The following ZFP30 variants were observed in gnomAD, a reference collection of about 807,000 sequenced individuals.
ZFP30 encodes zinc finger protein 30 homolog.
Under a neutral mutation model 12.3 loss-of-function variants are expected in ZFP30, and 16 were observed. The ratio of observed to expected loss-of-function variants is 1.30; its 90% CI spans 0.88 to 1.98. ZFP30 has a LOEUF of 1.98. Among genes scored for constraint, ZFP30 ranks in the 30% most tolerant of loss-of-function variants. The pLI is 0.00. For missense variants in ZFP30, 560 were observed against 611.2 expected, an observed-to-expected ratio of 0.92 and a Z score of 0.88; for synonymous variants, 172 against 201.0, an observed-to-expected ratio of 0.86 and a Z score of 1.22.
At chr19:37,637,639 G>C (rs1379857144) in intron 5 of ZFP30, among the ~76,000 whole-genome samples, 1 of 151,910 alleles carries the variant, frequency 6.6e-6, no homozygotes. Flanking sequence ...ACAAGTGCCC[G>C]CCACCACACC....
intron 4 of ZFP30, among the ~76,000 whole-genome samples, chr19:37,643,841 A>G (rs1483247675): frequency 6.6e-6 from 1 of 152,198 alleles, no homozygotes; most frequent in African/African-American, 2.4e-5. Flanking sequence ...TTAAATGCAA[A>G]TTCATGTATT....
chr19:37,640,972 A>G (rs2044423475), intron 5 of ZFP30, among the ~76,000 whole-genome samples: 1 of 152,202 alleles, frequency 6.6e-6, no homozygotes, highest in African/African-American at 2.4e-5. Context: ...TGTACTTCTG[A>G]AAATTAACAC....
intron 2 of ZFP30, among the ~76,000 whole-genome samples, chr19:37,649,534 AT>A (rs758420823): frequency 3.9e-5 from 6 of 152,192 alleles, no homozygotes; most frequent in Non-Finnish European, 7.4e-5. Flanking sequence ...CATTCACACA[AT>A]GGAAAATTAA....
upstream of ZFP30, chr19:37,655,528 G>C: frequency 6.6e-6 from 1 of 151,272 alleles, no homozygotes; most frequent in East Asian, 2.0e-4. Context: ...GGCAAGTCCC[G>C]CAGCTGCTCC....
intron 4 of ZFP30, among the ~76,000 whole-genome samples, chr19:37,643,670 C>T (rs1472915008): frequency 6.6e-6 from 1 of 152,038 alleles, no homozygotes; most frequent in Non-Finnish European, 1.5e-5. Flanking sequence ...AACAGTAATG[C>T]GTATATATAG....
intron 2 of ZFP30, among the ~76,000 whole-genome samples, 172 bp from the exon 3 acceptor site, chr19:37,648,071 G>A (rs547281589): frequency 2.6e-5 from 4 of 152,256 alleles, no homozygotes; most frequent in South Asian, 2.1e-4. Flanking sequence ...AAACCACAGC[G>A]AAATCAGCTC....
intron 3 of ZFP30, among the ~76,000 whole-genome samples, chr19:37,646,483 C>G (rs1009389595): frequency 4.6e-5 from 7 of 152,002 alleles, no homozygotes; most frequent in African/African-American, 1.7e-4. Flanking sequence ...AAAATATATA[C>G]CAGATACCAG....
At chr19:37,641,660 T>TA (rs1302837870) in intron 5 of ZFP30, among the ~76,000 whole-genome samples, 1 of 152,210 alleles carries the variant, frequency 6.6e-6, no homozygotes, top group Non-Finnish European at 1.5e-5. Flanking sequence ...ATAACCACAA[T>TA]ACCATTATCC....
chr19:37,635,362 AC>A lies in ZFP30; in HGVS notation c.1178del (p.Arg393LeufsTer89). On this transcript the variant is annotated frameshift_variant, in exon 6 of 6. Transcript: ENST00000684514. LOFTEE classifies it low-confidence loss of function (END_TRUNC). ...ECKECQKFFR[R>X]YSELISHQGI... ...CCTGATGTGAAATAAGTTCTGAGTA[AC>A]GACGAAAGAACTTCTGACATTCCTT... 6.2e-7 allele frequency: 1 copy of A among 1,613,842 alleles called. No individual in the cohort carries two copies. Among genetic ancestry groups the A allele is most frequent in the South Asian group, 1.1e-5 (1 of 91,056 alleles).
chr19:37,650,300 A>G (rs569364819), intron 2 of ZFP30, among the ~76,000 whole-genome samples: 6 of 152,124 alleles, frequency 3.9e-5, no homozygotes, highest in African/African-American at 1.2e-4. Context: ...ACCGCGATGC[A>G]GTCTATGTTG....
At chr19:37,637,129 T>C (rs1474308743) in intron 5 of ZFP30, among the ~76,000 whole-genome samples, 1 of 152,084 alleles carries the variant, frequency 6.6e-6, no homozygotes, top group Non-Finnish European at 1.5e-5. Context: ...ATCAGAAAAA[T>C]GATCCCTGCT....
chr19:37,648,411 A>C (rs1392051347), intron 2 of ZFP30, among the ~76,000 whole-genome samples: 1 of 152,164 alleles, frequency 6.6e-6, no homozygotes, highest in Non-Finnish European at 1.5e-5. Flanking sequence ...TATCTTTAAA[A>C]TATACTGTTG....
At position 37,632,827 on chromosome 19, in the gene ZFP30, AT is replaced by A. The variant is rs1251538195; in HGVS notation, c.*2153del. The A allele has an allele frequency of 1.3e-4, 20 of 152,314 alleles. No individual in the cohort carries two copies. The highest frequency in any genetic ancestry group is 1.2e-3 in the Admixed American group (18 of 15,306). 9.4% of individuals were successfully genotyped at this position (152,314 alleles called of 1,614,324 possible). A position where few individuals can be genotyped will look rare whatever the true frequency, so the allele number is the denominator to read the frequency against. ...TATATTAGTACAGGTCTAGTCCATT[AT>A]TTCCCACATTTAGCAGTAGTAATTG... On this transcript the variant is annotated 3_prime_UTR_variant, in exon 6 of 6. Coordinates refer to ENST00000684514, the MANE Select transcript of ZFP30 (RefSeq NM_001320669.3).
intron 5 of ZFP30, among the ~76,000 whole-genome samples, chr19:37,640,541 A>T (rs1212565729): frequency 6.6e-6 from 1 of 151,406 alleles, no homozygotes; most frequent in Non-Finnish European, 1.5e-5. Flanking sequence ...TCCATCTTAG[A>T]TCAAAATGAA....
Position 37,643,334 on chromosome 19 carries a change from T to C in ZFP30, c.166A>G (p.Ile56Val), listed in dbSNP as rs199804131. The change falls in exon 5 of 6, where the codon ATC becomes GTC. Residue 56 changes from isoleucine (I) to valine (V), a missense_variant. Ile to Val is a conservative substitution (Grantham distance 29). Transcript: ENST00000684514. ...TCTTTCCCTTGTTCCAATAGGGTGA[T>C]CACATCTGGCTTAGAAATAGAACAT... ...AGCSISKPDV[I>V]TLLEQGKEPW... 24 of 1,607,148 alleles carry C rather than the reference T, an allele frequency of 1.5e-5. No individual in the cohort carries two copies. Among genetic ancestry groups the C allele is most frequent in the Non-Finnish European group, 2.0e-5 (23 of 1,177,098 alleles).
intron 5 of ZFP30, among the ~76,000 whole-genome samples, chr19:37,636,728 T>A (rs1244106447): frequency 2.0e-5 from 3 of 152,024 alleles, no homozygotes; most frequent in Non-Finnish European, 4.4e-5. Flanking sequence ...TCTTTTTTTT[T>A]TTTCGAGACG....
chr19:37,647,175 A>G (rs1289649247), intron 3 of ZFP30, among the ~76,000 whole-genome samples: 1 of 152,214 alleles, frequency 6.6e-6, no homozygotes, highest in Non-Finnish European at 1.5e-5. Context: ...GCCCACTTCT[A>G]GGAACTTCAT....
intron 3 of ZFP30, among the ~76,000 whole-genome samples, chr19:37,647,346 C>T (rs972679222): frequency 2.6e-5 from 4 of 152,098 alleles, no homozygotes; most frequent in African/African-American, 4.8e-5. Flanking sequence ...GGGAGGGAGC[C>T]GGTGGGAGAT....
In ZFP30 at chr19:37,634,517, T is replaced by C. The variant is rs1426810656; in HGVS notation, c.*464A>G. The C allele has an allele frequency of 1.3e-5, 2 of 153,776 alleles. No individual in the cohort carries two copies. Among genetic ancestry groups the C allele is most frequent in the South Asian group, 4.1e-4 (2 of 4,860 alleles). 9.5% of individuals were successfully genotyped at this position (153,776 alleles called of 1,614,324 possible). On this transcript the variant is annotated 3_prime_UTR_variant, in exon 6 of 6. Coordinates refer to ENST00000684514, the MANE Select transcript of ZFP30 (RefSeq NM_001320669.3). ...CAATAGTTTTTCTAATATAATTTTC[T>C]ATTATTCTTTCTGCATTCATTAGCC...
Sources: allele counts gnomAD v4.1 joint callset (sites outside exome capture counted in the v4.1 genomes callset), GRCh38; gene constraint gnomAD v4.1.1; transcripts MANE v1.5; gene names NCBI Gene and HGNC (gene_info 2026-07-23, HGNC 2026-07-21).